The following HHIPL1 variants were observed in gnomAD, a reference collection of about 807,000 sequenced individuals.
The protein encoded by HHIPL1 is HHIP-like protein 1.
In HHIPL1, 43 loss-of-function variants were observed where a neutral mutation model predicts 61.8. The observed-to-expected ratio is 0.70, with a 90% confidence interval of 0.55 to 0.90. The LOEUF is 0.90. Among genes scored for constraint, HHIPL1 ranks in the 40% least tolerant of loss-of-function variants. HHIPL1 has a pLI of 0.00. For missense variants in HHIPL1, 1,056 were observed against 1,157.7 expected, an observed-to-expected ratio of 0.91 and a Z score of 1.28; for synonymous variants, 482 against 515.8, an observed-to-expected ratio of 0.93 and a Z score of 0.89.
At chr14:99,608,082 TG>T in the HHIPL1 span, among the ~76,000 whole-genome samples, 6 of 151,592 alleles carry the variant, frequency 4.0e-5, no homozygotes, top group African/African-American at 1.5e-4. Flanking sequence ...AGGCTCCAGG[TG>T]GAGGAAGCAG....
chr14:99,669,161 GAGTCTC>G, intron 7 of HHIPL1: 4 of 1,345,616 alleles, frequency 3.0e-6, no homozygotes, highest in Non-Finnish European at 3.8e-6. Flanking sequence ...GCTGCTCTGG[GAGTCTC>G]AGGGCCAAGC....
the HHIPL1 span, among the ~76,000 whole-genome samples, chr14:99,605,258 C>G: frequency 6.6e-6 from 1 of 152,220 alleles, no homozygotes; most frequent in Non-Finnish European, 1.5e-5. Flanking sequence ...GAGCCGGCCA[C>G]AGAACTCCCC....
At position 99,645,264 on chromosome 14, in the gene HHIPL1, G is replaced by T. The variant is rs1425425634; in HGVS notation, c.57G>T (p.Ala19=). The T allele has an allele frequency of 7.1e-7, 1 of 1,406,626 alleles. No individual in the cohort carries two copies. The highest frequency in any genetic ancestry group is 9.2e-7 in the Non-Finnish European group (1 of 1,083,372). The allele number at this position is 1,406,626 out of a possible 1,614,324, so 87.1% of individuals were successfully genotyped here. Residue 19 remains alanine (A), a synonymous_variant, in exon 1 of 9, where the codon GCG becomes GCT. Transcript: ENST00000330710. ...LLALWVLGAA[A]HPQCLDFRPP... ...CGCTTTGGGTGCTCGGGGCCGCCGC[G>T]CATCCGCAGTGCCTGGACTTCAGGC... is the stretch of plus-strand genomic sequence containing the variant.
rs889951538 is a variant in HHIPL1, at chr14:99,645,141, G to T, written c.-67G>T. 1 of 1,234,892 alleles carries T rather than the reference G, an allele frequency of 8.1e-7. No individual in the cohort carries two copies. Among genetic ancestry groups the T allele is most frequent in the Non-Finnish European group, 1.0e-6 (1 of 987,828 alleles). The allele number at this position is 1,234,892 out of a possible 1,614,324, so 76.5% of individuals were successfully genotyped here. ...GGGGAGCGCCCGCCCCTTCCCTGCC[G>T]CCGCGAGCGCCCCGGGAGGGGACCG... On this transcript the variant is annotated 5_prime_UTR_variant, in exon 1 of 9. Transcript: ENST00000330710.
chr14:99,605,360 A>C, the HHIPL1 span, among the ~76,000 whole-genome samples: 3 of 118,032 alleles, frequency 2.5e-5, no homozygotes, highest in African/African-American at 6.2e-5. Context: ...CGGCGCGTCT[A>C]CCGCCAGCAG....
rs184756410 is a variant in HHIPL1, at chr14:99,670,107, T to C, written c.1730+1804T>C. On this transcript the variant is annotated intron_variant, in intron 7 of 8. Transcript: ENST00000330710. ...TATTAATTAAACTCTACAACTCCAG[T>C]CTTTTACTTTTTTTTTTTTTTTGAG... Among the ~76,000 whole-genome samples the C allele has an allele frequency of 4.3e-4, 63 of 148,104 alleles. 1 individual carries two copies. The East Asian group carries it at 0.012, about 28-fold the overall frequency.
At chr14:99,654,904 TA>T (rs1283856187) in intron 2 of HHIPL1, among the ~76,000 whole-genome samples, 1 of 152,168 alleles carries the variant, frequency 6.6e-6, no homozygotes, top group Non-Finnish European at 1.5e-5. Flanking sequence ...TGGTGACTTT[TA>T]AAAATGGATT....
the HHIPL1 span, among the ~76,000 whole-genome samples, chr14:99,620,585 C>A: frequency 3.9e-5 from 6 of 152,244 alleles, no homozygotes; most frequent in African/African-American, 1.4e-4. Context: ...TCAGCCCCTC[C>A]CAGCTGTCAC....
the HHIPL1 span, among the ~76,000 whole-genome samples, chr14:99,639,001 T>G: frequency 6.6e-5 from 10 of 152,246 alleles, no homozygotes; most frequent in African/African-American, 2.2e-4. Context: ...TCCCTCATCC[T>G]TTCACTCATT....
At chr14:99,626,236 A>C in the HHIPL1 span, among the ~76,000 whole-genome samples, 2 of 151,394 alleles carry the variant, frequency 1.3e-5, no homozygotes, top group Non-Finnish European at 2.9e-5. Flanking sequence ...CTTGCTGGCC[A>C]TGGGGATACA....
the HHIPL1 span, among the ~76,000 whole-genome samples, chr14:99,626,609 A>C: frequency 6.6e-6 from 1 of 152,188 alleles, no homozygotes; most frequent in Non-Finnish European, 1.5e-5. Context: ...CCTGAAAGGG[A>C]TGGCTCTGTA....
At chr14:99,650,595 AC>A (rs2055912675) in intron 1 of HHIPL1, among the ~76,000 whole-genome samples, 1 of 152,108 alleles carries the variant, frequency 6.6e-6, no homozygotes, top group Non-Finnish European at 1.5e-5. Context: ...CGTGGCTCAA[AC>A]CCCAGCCCAC....
At chr14:99,665,081 A>G (rs903264750) in intron 6 of HHIPL1, among the ~76,000 whole-genome samples, 1 of 151,784 alleles carries the variant, frequency 6.6e-6, no homozygotes, top group Non-Finnish European at 1.5e-5. Context: ...GTGCCGCCAC[A>G]CCCGGCTAAT....
chr14:99,660,145 GCA>G lies in HHIPL1; in HGVS notation c.1376-133_1376-132del. The G allele has an allele frequency of 4.1e-6, 3 of 725,474 alleles. No individual in the cohort carries two copies. The highest frequency in any genetic ancestry group is 3.3e-5 in the Admixed American group (1 of 30,420). The allele number at this position is 725,474 out of a possible 1,614,324, so 44.9% of individuals were successfully genotyped here. The stretch of plus-strand genomic sequence containing the variant: ...TTCCACCACGCCAGCCCTGCTGTGG[GCA>G]CGCCAGCCCTGCTGTGGGCACGCCC... On this transcript the variant is annotated intron_variant, in intron 4 of 8. Transcript: ENST00000330710. This position sits in a 1 kb window ranked among gnomAD's most constrained non-coding sequence, Gnocchi z 4.9.
At chr14:99,672,264 C>G (rs1183240414) in intron 7 of HHIPL1, 53 bp from the exon 8 acceptor site, 1 of 1,481,134 alleles carries the variant, frequency 6.8e-7, no homozygotes, top group African/African-American at 1.4e-5. Context: ...AAAAGGCACC[C>G]TCAGGGTGGG....
At chr14:99,637,507 G>A in the HHIPL1 span, among the ~76,000 whole-genome samples, 2 of 151,966 alleles carry the variant, frequency 1.3e-5, no homozygotes, top group African/African-American at 4.8e-5. Flanking sequence ...AGGAGGCGGA[G>A]GTTGCAGTGA....
Position 99,675,232 on chromosome 14 carries a change from G to C in HHIPL1, c.1955G>C (p.Arg652Thr). 8.3e-7 allele frequency: 1 copy of C among 1,209,092 alleles called. No homozygotes were observed. Among genetic ancestry groups the C allele is most frequent in the Non-Finnish European group, 1.0e-6 (1 of 973,720 alleles). 74.9% of individuals were successfully genotyped at this position (1,209,092 alleles called of 1,614,324 possible). The part of the protein sequence containing the change: ...ARPTQQPGSR[R>T]GGGRRRGRLN... ...CCCACCCAGCAGCCAGGGAGCCGGA[G>C]GGGCGGCGGGCGGCGGCGGGGGCGG... Residue 652 changes from arginine to threonine, a missense_variant, in exon 9 of 9, where the codon AGG becomes ACG. By Grantham distance (71) the Arg-to-Thr change is moderately conservative. Transcript: ENST00000330710. This position sits in a 1 kb window ranked among gnomAD's most constrained non-coding sequence, Gnocchi z 5.4.
At chr14:99,631,567 G>A in the HHIPL1 span, among the ~76,000 whole-genome samples, 1 of 152,100 alleles carries the variant, frequency 6.6e-6, no homozygotes, top group African/African-American at 2.4e-5. Context: ...ACGTGGGGTT[G>A]GACTAGGCAT....
At chr14:99,656,787 A>AAAAGAAAAGAAAG (rs2056036865) in intron 2 of HHIPL1, among the ~76,000 whole-genome samples, 1 of 20,416 alleles carries the variant, frequency 4.9e-5, no homozygotes, top group African/African-American at 1.1e-4. Flanking sequence ...AAAAGAAAAG[A>AAAAGAAAAGAAAG]AAAGAAAGAA....
Sources: gnomAD v4.1 joint callset for allele counts (sites outside exome capture counted in the v4.1 genomes callset) on GRCh38, gnomAD v4.1.1 for gene constraint, Gnocchi (gnomAD v3.1) non-coding constraint, MANE v1.5 for transcripts, NCBI Gene and HGNC (gene_info 2026-07-23, HGNC 2026-07-21) for gene names.